The following SERPINB7 variants were observed in gnomAD, a reference collection of about 807,000 sequenced individuals.
The protein encoded by SERPINB7 is serpin family B member 7.
In SERPINB7, 31 loss-of-function variants were observed where a neutral mutation model predicts 37.4. The ratio of observed to expected loss-of-function variants is 0.83; its 90% CI spans 0.62 to 1.12. The LOEUF is 1.12. SERPINB7 is among the 50% of genes most tolerant of loss of function. SERPINB7 has a pLI of 0.00. For synonymous variants in SERPINB7, 163 were observed against 166.1 expected (o/e 0.98, Z 0.14); for missense variants, 521 against 455.3 (o/e 1.14, Z -1.31).
intron 2 of SERPINB7, among the ~76,000 whole-genome samples, chr18:63,783,217 AGAG>A (rs1568207713): frequency 5.0e-4 from 39 of 77,488 alleles, no homozygotes; most frequent in Admixed American, 1.2e-3. Flanking sequence ...AGAGAGAGAG[AGAG>A]AGAGAGAGAG....
intron 1 of SERPINB7, among the ~76,000 whole-genome samples, chr18:63,755,053 C>T (rs1207256883): frequency 1.3e-5 from 2 of 151,958 alleles, no homozygotes; most frequent in Admixed American, 1.3e-4. Flanking sequence ...GCGCCCGCCA[C>T]CGCGCCCGGC....
intron 1 of SERPINB7, among the ~76,000 whole-genome samples, chr18:63,760,906 G>A (rs933225741): frequency 6.6e-6 from 1 of 152,256 alleles, no homozygotes; most frequent in African/African-American, 2.4e-5. Context: ...TCCTCTCATG[G>A]AGAACCTTTG....
At chr18:63,764,034 C>T (rs9966844) in intron 1 of SERPINB7, among the ~76,000 whole-genome samples, 16 of 152,206 alleles carry the variant, frequency 1.1e-4, no homozygotes, top group African/African-American at 3.4e-4. Context: ...AAAACAGAAA[C>T]TCTGCATGCC....
Position 63,793,246 on chromosome 18 carries a change from T to G in SERPINB7, c.305T>G (p.Leu102Arg), listed in dbSNP as rs773699003. The change falls in exon 4 of 8, where the codon CTT (leucine) becomes CGT (arginine). Residue 102 changes from leucine to arginine, a missense_variant. By Grantham distance (102) the Leu-to-Arg change is moderately radical. Coordinates refer to ENST00000398019, the MANE Select transcript of SERPINB7 (RefSeq NM_003784.4). ...KDYDLSIVNG[L>R]FAEKVYGFHK... Reference sequence around the variant, plus strand: ...TATGATCTCAGCATTGTGAATGGGCTTTTTGCTGAAAAAGTGTATGGCTTT... The same window carrying G: ...TATGATCTCAGCATTGTGAATGGGCGTTTTGCTGAAAAAGTGTATGGCTTT... The G allele has an allele frequency of 1.2e-6, 2 of 1,603,080 alleles. No individual in the cohort carries two copies. The highest frequency in any genetic ancestry group is 1.7e-6 in the Non-Finnish European group (2 of 1,173,148).
chr18:63,769,260 A>AT (rs35332107), intron 1 of SERPINB7, among the ~76,000 whole-genome samples: 64,901 of 151,746 alleles, frequency 0.43, 15,188 homozygotes, highest in Non-Finnish European at 0.53. Flanking sequence ...AAGTTTCTTT[A>AT]TTTTTTCCAT....
chr18:63,795,976 T>C (rs2049483635), intron 4 of SERPINB7, among the ~76,000 whole-genome samples: 1 of 152,208 alleles, frequency 6.6e-6, no homozygotes. Flanking sequence ...TTATTTAATA[T>C]GAGAACGCAG....
In SERPINB7 at chr18:63,797,367, A is replaced by C. The variant is rs376447767; in HGVS notation, c.454+984A>C. Among the ~76,000 whole-genome samples the C allele has an allele frequency of 2.6e-5, 4 of 152,300 alleles. No individual in the cohort carries two copies. The East Asian group carries it at 5.8e-4, about 22-fold the overall frequency. Reference sequence around the variant, plus strand: ...TTCCTCATTATATTCATAGTGGGTTACTTTGATGTTTAGCCATCACCTGTT... The same window carrying C: ...TTCCTCATTATATTCATAGTGGGTTCCTTTGATGTTTAGCCATCACCTGTT... On this transcript the variant is annotated intron_variant, in intron 5 of 7. Transcript: ENST00000398019.
chr18:63,755,068 T>A (rs1454384382), intron 1 of SERPINB7, among the ~76,000 whole-genome samples: 1 of 151,618 alleles, frequency 6.6e-6, no homozygotes, highest in Non-Finnish European at 1.5e-5. Flanking sequence ...CCCGGCTAAT[T>A]TTTTGTATTT....
chr18:63,803,370 G>A (rs2049570508), intron 7 of SERPINB7, among the ~76,000 whole-genome samples: 1 of 152,102 alleles, frequency 6.6e-6, no homozygotes, highest in South Asian at 2.1e-4. Context: ...AAGAATACAA[G>A]TTAAATTTAA....
At chr18:63,781,100 G>C (rs1038081368) in intron 1 of SERPINB7, among the ~76,000 whole-genome samples, 3 of 151,912 alleles carry the variant, frequency 2.0e-5, no homozygotes, top group Non-Finnish European at 4.4e-5. Flanking sequence ...TTAAGTATTT[G>C]CAACTGTGAC....
intron 7 of SERPINB7, among the ~76,000 whole-genome samples, chr18:63,802,798 A>G (rs977293328): frequency 6.6e-6 from 1 of 152,216 alleles, no homozygotes; most frequent in African/African-American, 2.4e-5. Flanking sequence ...AAGCTTTGGA[A>G]TGACACTTTC....
At chr18:63,758,538 G>T (rs981393044) in intron 1 of SERPINB7, among the ~76,000 whole-genome samples, 7 of 152,146 alleles carry the variant, frequency 4.6e-5, no homozygotes, top group Admixed American at 6.5e-5. Context: ...ATTATCAGCT[G>T]GTCTCAAATC....
intron 2 of SERPINB7, 109 bp downstream of exon 2, chr18:63,782,649 G>A: frequency 9.3e-7 from 1 of 1,078,050 alleles, no homozygotes; most frequent in Admixed American, 2.2e-5. Flanking sequence ...GGCACAAGGT[G>A]TCACATCTTC....
chr18:63,793,865 AAGG>A (rs1445668386), intron 4 of SERPINB7, among the ~76,000 whole-genome samples: 1 of 152,036 alleles, frequency 6.6e-6, no homozygotes, highest in Non-Finnish European at 1.5e-5. Context: ...CAAGTCTTAG[AAGG>A]AGATCAACAT....
upstream of SERPINB7, among the ~76,000 whole-genome samples, chr18:63,773,192 A>T (rs748305829): frequency 2.6e-5 from 4 of 152,102 alleles, no homozygotes; most frequent in Non-Finnish European, 5.9e-5. Flanking sequence ...GGAACTTGCC[A>T]CTACAAGATT....
intron 2 of SERPINB7, among the ~76,000 whole-genome samples, chr18:63,791,925 T>G (rs1405434745): frequency 6.6e-6 from 1 of 152,200 alleles, no homozygotes; most frequent in African/African-American, 2.4e-5. Context: ...ACAGGTATTC[T>G]GAGTTACATC....
intron 1 of SERPINB7, among the ~76,000 whole-genome samples, chr18:63,776,901 A>C (rs2049254172): frequency 6.6e-6 from 1 of 151,986 alleles, no homozygotes; most frequent in African/African-American, 2.4e-5. Flanking sequence ...ATGGGGGTAG[A>C]TATCCCTCTC....
At chr18:63,783,232 G>GAGAGAGAGAGAGAGAAAGAGAAAGAA (rs2049328062) in intron 2 of SERPINB7, among the ~76,000 whole-genome samples, 1 of 40,720 alleles carries the variant, frequency 2.5e-5, no homozygotes, top group Non-Finnish European at 4.5e-5. Flanking sequence ...GAGAGAGAGA[G>GAGAGAGAGAGAGAGAAAGAGAAAGAA]AGAAAGAAAG....
rs2049515621 is a variant in SERPINB7, at chr18:63,798,710, G to A, written c.561G>A (p.Lys187=). 6.2e-7 allele frequency: 1 copy of A among 1,613,014 alleles called. No individual in the cohort carries two copies. Among genetic ancestry groups the A allele is most frequent in the South Asian group, 1.1e-5 (1 of 90,850 alleles). The change falls in exon 6 of 8, where the codon AAG becomes AAA. Residue 187 remains lysine (K), a synonymous_variant. Transcript: ENST00000398019. ...GCAAGTGGCAATCAGCCTTCACCAA[G>A]AGCGAAACCATAAATTGCCATTTCA... is the stretch of plus-strand genomic sequence containing the variant. ...FKGKWQSAFT[K]SETINCHFKS...
Sources: allele counts gnomAD v4.1 joint callset (sites outside exome capture counted in the v4.1 genomes callset), GRCh38; gene constraint gnomAD v4.1.1; transcripts MANE v1.5; gene names NCBI Gene and HGNC (gene_info 2026-07-23, HGNC 2026-07-21).